The following NFATC2 variants were observed in gnomAD, a reference collection of about 807,000 sequenced individuals.
NFATC2 encodes the protein nuclear factor of activated T-cells, cytoplasmic 2.
In NFATC2, 22 loss-of-function variants were observed where a neutral mutation model predicts 87.3. The ratio of observed to expected loss-of-function variants is 0.25; its 90% confidence interval spans 0.18 to 0.36. NFATC2 has a LOEUF of 0.36. NFATC2 is among the 10% of genes least tolerant of loss of function. The probability of loss-of-function intolerance (pLI) is 1.00; values close to 1 mark genes in which losing one functional copy is unlikely to be tolerated. For missense variants in NFATC2, 1,149 were observed against 1,259.1 expected, an observed-to-expected ratio of 0.91 and a Z score of 1.32; for synonymous variants, 565 against 542.2, an observed-to-expected ratio of 1.04 and a Z score of -0.58.
intron 9 of NFATC2, among the ~76,000 whole-genome samples, chr20:51,399,616 G>A (rs1987767511): frequency 6.6e-6 from 1 of 152,194 alleles, no homozygotes; most frequent in Non-Finnish European, 1.5e-5. Flanking sequence ...TCCCAATGTT[G>A]GGCTCCAACA....
In NFATC2 at chr20:51,524,790, CTG is replaced by C. The variant is rs2146729070; in HGVS notation, c.131-682_131-681del. Reference sequence around the variant, plus strand: ...CTGTGTCATTTTACAAATGAGGAAACTGAGGCCCAGAGCGGGGAAAAGGCCCA... The same window carrying C: ...CTGTGTCATTTTACAAATGAGGAAACAGGCCCAGAGCGGGGAAAAGGCCCA... On this transcript the variant is annotated intron_variant, in intron 1 of 10. Transcript: ENST00000371564. The surrounding 1 kb of genome is among the most constrained non-coding windows in gnomAD (Gnocchi z 4.0). 6.6e-6 allele frequency among the ~76,000 whole-genome samples: 1 copy of C among 152,282 alleles called. No homozygotes were observed. Among genetic ancestry groups the C allele is most frequent in the Non-Finnish European group, 1.5e-5 (1 of 68,026 alleles).
intron 9 of NFATC2, among the ~76,000 whole-genome samples, chr20:51,399,521 G>T (rs907048695): frequency 7.3e-5 from 11 of 151,622 alleles, no homozygotes; most frequent in Non-Finnish European, 1.3e-4. Flanking sequence ...AGAGGCATAA[G>T]CTCCCTGAAA....
rs747189611 is a variant in NFATC2, at chr20:51,391,274, A to C, written c.*222T>G. The C allele has an allele frequency of 3.0e-6, 3 of 1,012,844 alleles. No individual in the cohort carries two copies. The highest frequency in any genetic ancestry group is 4.7e-6 in the Non-Finnish European group (3 of 632,872). The allele number at this position is 1,012,844 out of a possible 1,614,324, so 62.7% of individuals were successfully genotyped here. ...TTAAGTGAGAGTCCGCTTAGTGCCC[A>C]TACATTGATCCGCGTGTGGACTCCG... On this transcript the variant is annotated 3_prime_UTR_variant, in exon 11 of 11. Coordinates refer to ENST00000371564, the MANE Select transcript of NFATC2 (RefSeq NM_012340.5).
chr20:51,400,464 T>TG (rs1265622459), intron 9 of NFATC2, among the ~76,000 whole-genome samples: 5 of 34,404 alleles, frequency 1.5e-4, no homozygotes, highest in South Asian at 1.1e-3. Context: ...AGTGTTAATA[T>TG]GGGGGGTGGG....
intron 3 of NFATC2, among the ~76,000 whole-genome samples, chr20:51,506,483 C>G (rs1433539682): frequency 6.6e-6 from 1 of 152,124 alleles, no homozygotes; most frequent in African/African-American, 2.4e-5. Context: ...ATCACCTCCC[C>G]GTGTTCCTCC....
chr20:51,482,143 A>G (rs1989313152), intron 3 of NFATC2, among the ~76,000 whole-genome samples: 1 of 150,694 alleles, frequency 6.6e-6, no homozygotes, highest in Admixed American at 6.6e-5. Context: ...AGTCTGGCCT[A>G]TGCATTTTAA....
intron 3 of NFATC2, among the ~76,000 whole-genome samples, chr20:51,487,971 C>T (rs912290641): frequency 5.9e-5 from 9 of 152,082 alleles, no homozygotes; most frequent in South Asian, 2.1e-4. Context: ...CGGGCTCTGT[C>T]GGTGACCTGG....
At chr20:51,435,668 G>A in intron 7 of NFATC2, 38 bp downstream of exon 7, 1 of 1,592,702 alleles carries the variant, frequency 6.3e-7, no homozygotes, top group African/African-American at 1.3e-5. Context: ...GGAAACGTGA[G>A]GGGGATTGAG....
chr20:51,477,571 ATATATATAT>A (rs1568667333), intron 3 of NFATC2, among the ~76,000 whole-genome samples: 31 of 89,454 alleles, frequency 3.5e-4, no homozygotes, highest in Admixed American at 9.6e-4. Context: ...ATATATATAT[ATATATATAT>A]AAAATAACAA....
At chr20:51,488,894 A>G (rs2075830782) in intron 3 of NFATC2, among the ~76,000 whole-genome samples, 1 of 152,246 alleles carries the variant, frequency 6.6e-6, no homozygotes, top group African/African-American at 2.4e-5. Flanking sequence ...CAGTGCATAA[A>G]GAATTACATT....
intron 1 of NFATC2, among the ~76,000 whole-genome samples, chr20:51,540,647 G>GTTTTTTTTTTTTTGTTTTT (rs375172598): frequency 8.9e-6 from 1 of 112,974 alleles, no homozygotes; most frequent in East Asian, 2.5e-4. Flanking sequence ...AAAAACTGAA[G>GTTTTTTTTTTTTTGTTTTT]TTTTTTTTTT....
At chr20:51,415,152 G>A (rs180959878) in intron 9 of NFATC2, among the ~76,000 whole-genome samples, 190 of 151,680 alleles carry the variant, frequency 1.3e-3, no homozygotes, top group African/African-American at 4.5e-3. Flanking sequence ...GAGCTGAGGT[G>A]GGAGGATCAC....
At chr20:51,435,840 G>C in intron 6 of NFATC2, 79 bp from the exon 7 acceptor site, 1 of 1,199,588 alleles carries the variant, frequency 8.3e-7, no homozygotes, top group Non-Finnish European at 1.2e-6. Context: ...ACCAACTTCT[G>C]TTTATCTTAG....
At chr20:51,418,751 C>A (rs748962742) in intron 9 of NFATC2, among the ~76,000 whole-genome samples, 1 of 151,450 alleles carries the variant, frequency 6.6e-6, no homozygotes, top group Admixed American at 6.6e-5. Context: ...CAACCTCTGC[C>A]TCCCAGGTTC....
intron 3 of NFATC2, among the ~76,000 whole-genome samples, chr20:51,479,888 G>C (rs929286015): frequency 6.6e-6 from 1 of 152,144 alleles, no homozygotes; most frequent in African/African-American, 2.4e-5. Context: ...CCCTCTCTCT[G>C]TCCTCAGCGC....
intron 1 of NFATC2, among the ~76,000 whole-genome samples, chr20:51,533,063 G>A (rs994848815): frequency 2.0e-5 from 3 of 152,204 alleles, no homozygotes; most frequent in Non-Finnish European, 4.4e-5. Context: ...ACAGTCTGTC[G>A]CCAAGGCAGC....
intron 9 of NFATC2, among the ~76,000 whole-genome samples, chr20:51,404,321 G>A (rs1988346713): frequency 6.6e-6 from 1 of 152,190 alleles, no homozygotes; most frequent in South Asian, 2.1e-4. Flanking sequence ...AACCCTTTCT[G>A]TGCCTCCTCT....
At chr20:51,505,278 C>T (rs2146645859) in intron 3 of NFATC2, among the ~76,000 whole-genome samples, 1 of 151,720 alleles carries the variant, frequency 6.6e-6, no homozygotes, top group Non-Finnish European at 1.5e-5. Context: ...CCTCGGCCTC[C>T]CAAAGTGCTG....
chr20:51,394,432 C>T (rs1035160141), intron 10 of NFATC2, among the ~76,000 whole-genome samples: 8 of 152,066 alleles, frequency 5.3e-5, no homozygotes, highest in African/African-American at 1.9e-4. Context: ...TCACGCTGCT[C>T]CTCTGGGTAG....
Sources: allele counts gnomAD v4.1 joint callset (sites outside exome capture counted in the v4.1 genomes callset), GRCh38; gene constraint gnomAD v4.1.1; non-coding constraint Gnocchi (gnomAD v3.1); transcripts MANE v1.5; gene names NCBI Gene and HGNC (gene_info 2026-07-23, HGNC 2026-07-21).